Variants in USP20 observed in about 807,000 individuals in gnomAD.
The protein encoded by USP20 is ubiquitin carboxyl-terminal hydrolase 20.
USP20 carries 80 observed loss-of-function variants against 124.2 expected under a neutral mutation model. That is an observed-to-expected ratio of 0.64 (90% CI 0.54 to 0.78). The LOEUF (loss-of-function observed/expected upper bound fraction) is 0.78. Ranked by LOEUF, USP20 falls within the 30% of genes least tolerant of loss-of-function variation. The probability of loss-of-function intolerance (pLI) is 0.00; values close to 1 mark genes in which losing one functional copy is unlikely to be tolerated. For synonymous variants in USP20, 481 were observed against 512.3 expected (o/e 0.94, Z 0.83); for missense variants, 1,043 against 1,244.4 (o/e 0.84, Z 2.44).
At position 129,869,755 on chromosome 9, in the gene USP20, C is replaced by G; in HGVS notation, c.1476C>G (p.Ile492Met). 6.2e-7 allele frequency: 1 copy of G among 1,614,102 alleles called. No homozygotes were observed. Among genetic ancestry groups the G allele is most frequent in the Non-Finnish European group, 8.5e-7 (1 of 1,180,036 alleles). The change falls in exon 14 of 26, where the codon ATC becomes ATG. Residue 492 changes from isoleucine to methionine, a missense_variant. By Grantham distance (10) the Ile-to-Met change is conservative (BLOSUM62 1). Coordinates refer to ENST00000372429, the MANE Select transcript of USP20 (RefSeq NM_001110303.4). The part of the protein sequence containing the change: ...KEDLAKLHSA[I>M]YQNVPAKPGA... ...ACCTGGCCAAGCTCCATTCAGCCAT[C>G]TACCAGAATGTGCCGGCCAAGCCAG...
Position 129,873,507 on chromosome 9 carries a change from G to C in USP20, c.1686G>C (p.Arg562=). 6.2e-7 allele frequency: 1 copy of C among 1,614,164 alleles called. No individual in the cohort carries two copies. Among genetic ancestry groups the C allele is most frequent in the Non-Finnish European group, 8.5e-7 (1 of 1,180,024 alleles). ...GTGACAACATGTACAGCTGTGAGCG[G>C]TGTAAGAAGTAAGTGAGCCTTCCCC... ...LKGDNMYSCE[R]CKKLRNGVKY... is the part of the protein sequence containing the mutation. Residue 562 remains arginine, a synonymous_variant, in exon 16 of 26, where the codon CGG becomes CGC. Coordinates refer to ENST00000372429, the MANE Select transcript of USP20 (RefSeq NM_001110303.4).
At chr9:129,859,316 C>A (rs1388294726) in intron 6 of USP20, among the ~76,000 whole-genome samples, 1 of 25,374 alleles carries the variant, frequency 3.9e-5, no homozygotes, top group Non-Finnish European at 1.0e-4. Flanking sequence ...CTCTGTTGCT[C>A]AGGCTGGAAT....
chr9:129,863,507 G>A (rs1417729986), intron 9 of USP20, among the ~76,000 whole-genome samples: 3 of 152,364 alleles, frequency 2.0e-5, no homozygotes, highest in African/African-American at 7.2e-5. Context: ...AGCACTTTAA[G>A]TATCTTGCTC....
rs751388123 is a variant in USP20, at chr9:129,868,189, G to A, written c.875G>A (p.Arg292Gln). ...EFLSCDSSSDRGEGDGQGRGG... is the reference protein window; with the variant it reads ...EFLSCDSSSDQGEGDGQGRGG... ...TTGTCCTGTGACTCGAGCAGTGACC[G>A]GGGTGAGGGTGACGGGCAGGGGCGT... Residue 292 changes from arginine (R) to glutamine (Q), a missense_variant, in exon 11 of 26, where the codon CGG (arginine) becomes CAG (glutamine). Arg to Gln is a conservative substitution (Grantham distance 43). Coordinates refer to ENST00000372429, the MANE Select transcript of USP20 (RefSeq NM_001110303.4). 1.2e-5 allele frequency: 19 copies of A among 1,614,054 alleles called. 1 individual carries two copies. Among genetic ancestry groups the A allele is most frequent in the South Asian group, 6.6e-5 (6 of 91,084 alleles).
rs757272570 is a variant in USP20, at chr9:129,841,407, A to G, written c.-129+5908A>G. Among the ~76,000 whole-genome samples the G allele has an allele frequency of 3.2e-4, 49 of 152,192 alleles. 1 individual carries two copies. The highest frequency in any genetic ancestry group is 7.9e-4 in the Admixed American group (12 of 15,278). ...TTTAAAGACATTATCTTCAAATATG[A>G]TTACATTCTCAGGTCCTGGTGGTTA... is the stretch of plus-strand genomic sequence containing the variant. On this transcript the variant is annotated intron_variant, in intron 1 of 25. Transcript: ENST00000372429.
At chr9:129,843,907 AAAATT>A (rs1402538628) in intron 1 of USP20, among the ~76,000 whole-genome samples, 1 of 152,108 alleles carries the variant, frequency 6.6e-6, no homozygotes, top group Admixed American at 6.6e-5. Flanking sequence ...CTATAAAAGA[AAAATT>A]AAAAAGTAGC....
At chr9:129,842,565 C>T (rs1372774008) in intron 1 of USP20, among the ~76,000 whole-genome samples, 1 of 151,436 alleles carries the variant, frequency 6.6e-6, no homozygotes, top group Admixed American at 6.6e-5. Flanking sequence ...GACCCCCATG[C>T]TTCCGATATT....
chr9:129,843,444 CAA>C (rs1411819455), intron 1 of USP20, among the ~76,000 whole-genome samples: 1 of 151,530 alleles, frequency 6.6e-6, no homozygotes, highest in East Asian at 1.9e-4. Flanking sequence ...ACGACAACAA[CAA>C]AAAGACAGTC....
Position 129,880,711 on chromosome 9 carries a change from G to A in USP20, c.*261G>A, listed in dbSNP as rs1219435641. The A allele has an allele frequency of 6.0e-6, 1 of 168,066 alleles. No individual in the cohort carries two copies. The highest frequency in any genetic ancestry group is 2.4e-5 in the African/African-American group (1 of 42,160). 10.4% of individuals were successfully genotyped at this position (168,066 alleles called of 1,614,324 possible). Reference sequence around the variant, plus strand: ...TTGTGTCCCCCACAACTGTCCTCTTGCTAGCTCGGCCCAGCTTTGTCCCTG... The same window carrying A: ...TTGTGTCCCCCACAACTGTCCTCTTACTAGCTCGGCCCAGCTTTGTCCCTG... On this transcript the variant is annotated 3_prime_UTR_variant, in exon 26 of 26. Coordinates refer to ENST00000372429, the MANE Select transcript of USP20 (RefSeq NM_001110303.4).
chr9:129,880,072 GAGGCAAAGGTGAGCCT>G (rs1434576583), intron 24 of USP20, 25 bp from the exon 25 acceptor site: 1 of 1,597,998 alleles, frequency 6.3e-7, no homozygotes, highest in African/African-American at 1.3e-5. Flanking sequence ...CTTCCTTGAG[GAGGCAAAGGTGAGCCT>G]AGGGGTGCCT....
chr9:129,869,551 C>T, intron 13 of USP20, 121 bp from the exon 14 acceptor site: 2 of 1,527,350 alleles, frequency 1.3e-6, no homozygotes, highest in Admixed American at 3.5e-5. Flanking sequence ...GAGGGCCCTG[C>T]CTGCGTGGAT....
rs895838478 is a variant in USP20, at chr9:129,881,538, T to C, written c.*1088T>C. 1 of 152,280 alleles carries C rather than the reference T, an allele frequency of 6.6e-6. No homozygotes were observed. The highest frequency in any genetic ancestry group is 1.5e-5 in the Non-Finnish European group (1 of 68,054). 9.4% of individuals were successfully genotyped at this position (152,280 alleles called of 1,614,324 possible). Reference sequence around the variant, plus strand: ...CCCCCCACACTACTGCGTCTTTGTTTCTATCAGTCTTTGTAGAAGCAGGTG... The same window carrying C: ...CCCCCCACACTACTGCGTCTTTGTTCCTATCAGTCTTTGTAGAAGCAGGTG... On this transcript the variant is annotated 3_prime_UTR_variant, in exon 26 of 26. Coordinates refer to ENST00000372429, the MANE Select transcript of USP20 (RefSeq NM_001110303.4).
intron 1 of USP20, among the ~76,000 whole-genome samples, chr9:129,848,326 G>A (rs2032705856): frequency 6.6e-6 from 1 of 152,068 alleles, no homozygotes; most frequent in Non-Finnish European, 1.5e-5. Context: ...AAACTAGCCA[G>A]GTGATTGACC....
Position 129,879,709 on chromosome 9 carries a change from G to A in USP20, c.2584+65G>A. The A allele has an allele frequency of 6.3e-7, 1 of 1,582,310 alleles. No homozygotes were observed. Among genetic ancestry groups the A allele is most frequent in the East Asian group, 2.2e-5 (1 of 44,652 alleles). ...TTCCTGGCTGCCAGGCTGCTGCCCA[G>A]TCCCGTCCTTCCAGGAGCCCCCTTA... On this transcript the variant is annotated intron_variant, in intron 24 of 25. Coordinates refer to ENST00000372429, the MANE Select transcript of USP20 (RefSeq NM_001110303.4). The surrounding 1 kb of genome is among the most constrained non-coding windows in gnomAD (Gnocchi z 4.2).
intron 1 of USP20, among the ~76,000 whole-genome samples, chr9:129,841,343 G>C (rs1263161868): frequency 1.3e-5 from 2 of 152,090 alleles, no homozygotes; most frequent in Non-Finnish European, 2.9e-5. Context: ...GATTAGATTA[G>C]GGCCTGCCCT....
intron 2 of USP20, among the ~76,000 whole-genome samples, chr9:129,851,358 C>G (rs1458650642): frequency 6.7e-6 from 1 of 150,060 alleles, no homozygotes; most frequent in South Asian, 2.1e-4. Flanking sequence ...CTCCTGGGCT[C>G]ACATGATCTC....
chr9:129,868,030 T>A lies in USP20; in HGVS notation c.716T>A (p.Leu239Gln). The change falls in exon 11 of 26, where the codon CTG becomes CAG. Residue 239 changes from leucine to glutamine, a missense_variant. By Grantham distance (113) the Leu-to-Gln change is moderately radical. Transcript: ENST00000372429. ...QQDTQEFLRC[L>Q]MDQLHEELKE... ...GACACCCAAGAGTTCCTTCGCTGCC[T>A]GATGGACCAGCTGCACGAGGAGCTC... 6.2e-7 allele frequency: 1 copy of A among 1,613,940 alleles called. No individual in the cohort carries two copies. Among genetic ancestry groups the A allele is most frequent in the Non-Finnish European group, 8.5e-7 (1 of 1,179,888 alleles).
intron 13 of USP20, 91 bp from the exon 14 acceptor site, chr9:129,869,581 G>T (rs1399290173): frequency 1.3e-6 from 2 of 1,569,336 alleles, no homozygotes; most frequent in African/African-American, 2.7e-5. Flanking sequence ...ATGGCCTGGG[G>T]AGTAGTCCCT....
Position 129,879,642 on chromosome 9 carries a change from A to G in USP20, c.2582A>G (p.Gln861Arg). The change falls in exon 24 of 26, where the codon CAG becomes CGG. Residue 861 changes from glutamine to arginine, a missense_variant and splice_region_variant. Physicochemically the swap from Gln to Arg is conservative, Grantham distance 43. Transcript: ENST00000372429. The surrounding 1 kb of genome is among the most constrained non-coding windows in gnomAD (Gnocchi z 4.2). ...VKGSGHVQLK[Q>R]GADYGQISEE... Reference sequence around the variant, plus strand: ...GGAAGCGGCCATGTCCAGCTGAAGCAGGGTGAGTTCCCCCTGGGGTCAGCC... The same window carrying G: ...GGAAGCGGCCATGTCCAGCTGAAGCGGGGTGAGTTCCCCCTGGGGTCAGCC... 1.2e-6 allele frequency: 2 copies of G among 1,613,934 alleles called. No homozygotes were observed. Among genetic ancestry groups the G allele is most frequent in the South Asian group, 2.2e-5 (2 of 91,086 alleles).
Sources: allele counts gnomAD v4.1 joint callset (sites outside exome capture counted in the v4.1 genomes callset), GRCh38; gene constraint gnomAD v4.1.1; non-coding constraint Gnocchi (gnomAD v3.1); transcripts MANE v1.5; gene names NCBI Gene and HGNC (gene_info 2026-07-23, HGNC 2026-07-21).